The following NUP58 variants were observed in gnomAD, a reference collection of about 807,000 sequenced individuals.
The protein encoded by NUP58 is nucleoporin p58/p45.
Under a neutral mutation model 70.1 loss-of-function variants are expected in NUP58, and 17 were observed. The observed-to-expected ratio is 0.24, with a 90% CI of 0.17 to 0.36. NUP58 has a LOEUF of 0.36. Among genes scored for constraint, NUP58 ranks in the 10% least tolerant of loss-of-function variants. The pLI is 1.00. For synonymous variants in NUP58, 275 were observed against 257.6 expected (o/e 1.07, Z -0.65); for missense variants, 644 against 701.5 (o/e 0.92, Z 0.93).
At position 25,342,382 on chromosome 13, in the gene NUP58, G is replaced by A. The variant is rs1463205959; in HGVS notation, c.*2248G>A. The A allele has an allele frequency of 6.6e-6, 1 of 152,498 alleles. No individual in the cohort carries two copies. 9.4% of individuals were successfully genotyped at this position (152,498 alleles called of 1,614,324 possible). ...GTCTTTGTCCAGAGCCTATTATTATGGAAACAATAAAATTTATTGTGTCAG... is the reference window on the plus strand; with the variant it reads ...GTCTTTGTCCAGAGCCTATTATTATAGAAACAATAAAATTTATTGTGTCAG... On this transcript the variant is annotated 3_prime_UTR_variant, in exon 16 of 16. Transcript: ENST00000381736.
chr13:25,328,212 A>G (rs2031474147), intron 12 of NUP58, among the ~76,000 whole-genome samples: 2 of 152,024 alleles, frequency 1.3e-5, no homozygotes, highest in South Asian at 4.1e-4. Flanking sequence ...AAAAAAGAAA[A>G]TAAGCATTCT....
At chr13:25,307,205 TATTGTATTTTTTTTTTTTTTTTTTTTTGA>T (rs2030407697) in intron 1 of NUP58, among the ~76,000 whole-genome samples, 1 of 119,288 alleles carries the variant, frequency 8.4e-6, no homozygotes, top group Non-Finnish European at 1.8e-5. Flanking sequence ...TGAAATCTGG[TATTGTATTTTTTTTTTTTTTTTTTTTTGA>T]GAGGGAGTCT....
In NUP58 at chr13:25,340,277, T is replaced by G. The variant is rs2031914960; in HGVS notation, c.*143T>G. 3.9e-6 allele frequency: 3 copies of G among 769,264 alleles called. No individual in the cohort carries two copies. The highest frequency in any genetic ancestry group is 5.7e-6 in the Non-Finnish European group (3 of 525,842). 47.7% of individuals were successfully genotyped at this position (769,264 alleles called of 1,614,324 possible). ...TCCCTACTCTGGAATTTGAACTTTC[T>G]TCATGTTTGCCATACTGAACATCTT... On this transcript the variant is annotated 3_prime_UTR_variant, in exon 16 of 16. Transcript: ENST00000381736.
chr13:25,333,189 T>C, intron 13 of NUP58: 1 of 985,356 alleles, frequency 1.0e-6, no homozygotes, highest in Non-Finnish European at 1.2e-6. Context: ...TCATAGGTTT[T>C]CACTTATACA....
At chr13:25,332,642 A>G in intron 13 of NUP58, 1 of 985,444 alleles carries the variant, frequency 1.0e-6, no homozygotes, top group Non-Finnish European at 1.2e-6. Context: ...TCACATTTGG[A>G]GATGACAGAA....
At chr13:25,329,065 A>G (rs961183110) in intron 12 of NUP58, among the ~76,000 whole-genome samples, 1 of 152,182 alleles carries the variant, frequency 6.6e-6, no homozygotes, top group Non-Finnish European at 1.5e-5. Flanking sequence ...ATTTTGTTCT[A>G]AAGGAGGAAT....
At chr13:25,303,643 A>G (rs1011982290) in intron 1 of NUP58, among the ~76,000 whole-genome samples, 2 of 152,194 alleles carry the variant, frequency 1.3e-5, no homozygotes, top group African/African-American at 4.8e-5. Flanking sequence ...GGAGATTTCC[A>G]TTCTCCTAGT....
intron 13 of NUP58, among the ~76,000 whole-genome samples, chr13:25,336,516 T>TA (rs1398309895): frequency 6.6e-6 from 1 of 152,054 alleles, no homozygotes; most frequent in East Asian, 1.9e-4. Context: ...GGAGCTCGAT[T>TA]AAAAAAAGTA....
chr13:25,326,889 A>G (rs1185635748), intron 10 of NUP58, 27 bp from the exon 11 acceptor site: 3 of 1,304,116 alleles, frequency 2.3e-6, no homozygotes, highest in Non-Finnish European at 3.3e-6. Flanking sequence ...AAAATATTTG[A>G]TCTGACTTTT....
intron 13 of NUP58, chr13:25,335,988 T>C (rs2031767080): frequency 2.7e-6 from 3 of 1,092,916 alleles, no homozygotes; most frequent in Non-Finnish European, 3.4e-6. Flanking sequence ...AAAAAAAAAA[T>C]AGTAGTTTAA....
intron 13 of NUP58, chr13:25,335,658 C>A (rs966703454): frequency 1.0e-6 from 1 of 985,024 alleles, no homozygotes; most frequent in Non-Finnish European, 1.2e-6. Flanking sequence ...AGAAGCTATT[C>A]GAAAAGTCCA....
At position 25,340,763 on chromosome 13, in the gene NUP58, C is replaced by G. The variant is rs1455164444; in HGVS notation, c.*629C>G. Reference sequence around the variant, plus strand: ...TGAAACCCCATCTCTACGAAAAATACAAAAATTAGCTGGGCATAGTGGCGG... The same window carrying G: ...TGAAACCCCATCTCTACGAAAAATAGAAAAATTAGCTGGGCATAGTGGCGG... On this transcript the variant is annotated 3_prime_UTR_variant, in exon 16 of 16. Transcript: ENST00000381736. 1 of 152,008 alleles carries G rather than the reference C, an allele frequency of 6.6e-6. No homozygotes were observed. The highest frequency in any genetic ancestry group is 2.4e-5 in the African/African-American group (1 of 41,384). 9.4% of individuals were successfully genotyped at this position (152,008 alleles called of 1,614,324 possible).
chr13:25,313,743 G>A lies in NUP58; in HGVS notation c.566G>A (p.Gly189Glu). 1 of 1,523,580 alleles carries A rather than the reference G, an allele frequency of 6.6e-7. No individual in the cohort carries two copies. The allele number at this position is 1,523,580 out of a possible 1,614,324, so 94.4% of individuals were successfully genotyped here. The change falls in exon 5 of 16, where the codon GGA becomes GAA. Residue 189 changes from glycine (G) to glutamate (E), a missense_variant. By Grantham distance (98) the Gly-to-Glu change is moderately conservative. Coordinates refer to ENST00000381736, the MANE Select transcript of NUP58 (RefSeq NM_014089.4). ...TCACTTTTCCAGAGTACAAACACAG[G>A]AACATCAGGTAATTGATGGTATTTA... The part of the protein sequence containing the change: ...GGSLFQSTNT[G>E]TSGLGQNALG...
chr13:25,321,122 A>C, intron 9 of NUP58, 29 bp downstream of exon 9: 2 of 1,542,146 alleles, frequency 1.3e-6, no homozygotes, highest in Non-Finnish European at 8.7e-7. Flanking sequence ...ATTTTACCGT[A>C]GGGTTTTTTT....
intron 12 of NUP58, among the ~76,000 whole-genome samples, chr13:25,330,286 A>G (rs781324247): frequency 4.6e-5 from 7 of 152,124 alleles, no homozygotes; most frequent in Admixed American, 6.5e-5. Context: ...TTCTTACATC[A>G]TATGTCTTGA....
At chr13:25,336,348 T>G in intron 13 of NUP58, 1 of 1,017,720 alleles carries the variant, frequency 9.8e-7, no homozygotes, top group Non-Finnish European at 1.4e-6. Flanking sequence ...AATAAAACAT[T>G]GTCTTGTTTT....
chr13:25,307,455 C>T (rs1173300144), intron 1 of NUP58, among the ~76,000 whole-genome samples: 1 of 152,040 alleles, frequency 6.6e-6, no homozygotes, highest in African/African-American at 2.4e-5. Context: ...ACCTTGTGAT[C>T]CACCTGCCTC....
chr13:25,331,172 G>A (rs894841717), intron 12 of NUP58, among the ~76,000 whole-genome samples, 185 bp from the exon 13 acceptor site: 4 of 152,108 alleles, frequency 2.6e-5, no homozygotes, highest in Non-Finnish European at 5.9e-5. Context: ...CTATTCAAGG[G>A]AGCAGTAGAA....
chr13:25,332,336 C>G (rs1458648608), intron 13 of NUP58: 1 of 985,200 alleles, frequency 1.0e-6, no homozygotes, highest in Non-Finnish European at 1.2e-6. Context: ...TTTATTTGGT[C>G]CTGTGTCTTT....
Sources: gnomAD v4.1 joint callset for allele counts (sites outside exome capture counted in the v4.1 genomes callset) on GRCh38, gnomAD v4.1.1 for gene constraint, MANE v1.5 for transcripts, NCBI Gene and HGNC (gene_info 2026-07-23, HGNC 2026-07-21) for gene names.